The following CCDC82 variants were observed in gnomAD, a reference collection of about 807,000 sequenced individuals.
CCDC82 encodes coiled-coil domain containing 82.
CCDC82 carries 47 observed loss-of-function variants against 60.6 expected under a neutral mutation model. The ratio of observed to expected loss-of-function variants is 0.77; its 90% CI spans 0.61 to 0.99. The LOEUF (loss-of-function observed/expected upper bound fraction) is 0.99. CCDC82 is among the 50% of genes least tolerant of loss of function. The probability of loss-of-function intolerance (pLI) is 0.00; values close to 1 mark genes in which losing one functional copy is unlikely to be tolerated. For missense variants in CCDC82, 588 were observed against 633.0 expected (o/e 0.93, Z 0.76); for synonymous variants, 212 against 207.4 (o/e 1.02, Z -0.19).
At chr11:96,370,968 G>T in intron 7 of CCDC82, 45 bp downstream of exon 7, 1 of 1,449,474 alleles carries the variant, frequency 6.9e-7, no homozygotes, top group Non-Finnish European at 9.1e-7. Flanking sequence ...TGAGAGGTTT[G>T]CTGCCCCCAA....
chr11:96,382,999 T>C (rs1469026196), intron 5 of CCDC82: 1 of 302,480 alleles, frequency 3.3e-6, no homozygotes, highest in Non-Finnish European at 6.0e-6. Flanking sequence ...TTAATAAATA[T>C]ATTTTAAATT....
chr11:96,368,308 G>C (rs1181992527), intron 7 of CCDC82, among the ~76,000 whole-genome samples: 2 of 151,810 alleles, frequency 1.3e-5, no homozygotes, highest in East Asian at 3.9e-4. Flanking sequence ...TTTTTTTTCT[G>C]AGTAGTAGGT....
intron 7 of CCDC82, among the ~76,000 whole-genome samples, chr11:96,369,888 A>G (rs1865168224): frequency 6.6e-6 from 1 of 152,240 alleles, no homozygotes; most frequent in Non-Finnish European, 1.5e-5. Context: ...ATTAAACAGT[A>G]TTTATGCCAT....
intron 6 of CCDC82, among the ~76,000 whole-genome samples, chr11:96,372,918 A>G (rs1411410686): frequency 6.6e-6 from 1 of 151,992 alleles, no homozygotes; most frequent in African/African-American, 2.4e-5. Flanking sequence ...TGAATGGGTC[A>G]TAGATAGATT....
intron 5 of CCDC82, 55 bp from the exon 6 acceptor site, chr11:96,373,522 A>G: frequency 9.6e-7 from 1 of 1,043,222 alleles, no homozygotes; most frequent in Non-Finnish European, 1.5e-6. Flanking sequence ...AATTTCTTGA[A>G]TACAATAGGT....
intron 8 of CCDC82, chr11:96,363,229 C>CA (rs1864764494): frequency 6.6e-6 from 1 of 152,218 alleles, no homozygotes; most frequent in Non-Finnish European, 1.5e-5. Context: ...GCTGGGATTA[C>CA]AGGCGTGAGC....
chr11:96,382,790 A>G (rs1003126733), intron 5 of CCDC82: 1 of 152,060 alleles, frequency 6.6e-6, no homozygotes, highest in Non-Finnish European at 1.5e-5. Flanking sequence ...ATACACTTCA[A>G]CCAAAACAAC....
rs181832530 is a variant in CCDC82 at position 96,357,940 on chromosome 11, G to A, written c.1566+1053C>T. 5.1e-6 allele frequency: 5 copies of A among 985,410 alleles called. No individual in the cohort carries two copies. The African/African-American group carries it at 5.2e-5, about 10-fold the overall frequency. 61.0% of individuals were successfully genotyped at this position (985,410 alleles called of 1,614,324 possible). A position where few individuals can be genotyped will look rare whatever the true frequency, so the allele number is the denominator to read the frequency against. ...GAAAGACTTAAGGATCAAGATGTGGGGGGCAGGCAAGATCACTGGGTGGTG... is the reference window on the plus strand; with the variant it reads ...GAAAGACTTAAGGATCAAGATGTGGAGGGCAGGCAAGATCACTGGGTGGTG... On this transcript the variant is annotated intron_variant, in intron 9 of 9. Coordinates refer to ENST00000646818, the MANE Select transcript of CCDC82 (RefSeq NM_024725.4).
At chr11:96,381,995 T>C (rs930914423) in intron 5 of CCDC82, 1 of 151,872 alleles carries the variant, frequency 6.6e-6, no homozygotes, top group African/African-American at 2.4e-5. Flanking sequence ...CACTTAAGAA[T>C]GTCCTCGTTG....
chr11:96,352,912 T>C lies in CCDC82; in HGVS notation c.*734A>G, dbSNP rs1864156128. On this transcript the variant is annotated 3_prime_UTR_variant, in exon 10 of 10. Transcript: ENST00000646818. ...CAGTTCTGACCCTAAGATACATACTTATATGGAAAAAGCTATGGATAAAAA... is the reference window on the plus strand; with the variant it reads ...CAGTTCTGACCCTAAGATACATACTCATATGGAAAAAGCTATGGATAAAAA... The C allele has an allele frequency of 6.6e-6, 1 of 152,202 alleles. No homozygotes were observed. The highest frequency in any genetic ancestry group is 6.5e-5 in the Admixed American group (1 of 15,282). The allele number at this position is 152,202 out of a possible 1,614,324, so 9.4% of individuals were successfully genotyped here. A position where few individuals can be genotyped will look rare whatever the true frequency, so the allele number is the denominator to read the frequency against.
In CCDC82 at chr11:96,389,878, GC is replaced by G; in HGVS notation, c.-174del. 1 of 153,364 alleles carries G rather than the reference GC, an allele frequency of 6.5e-6. No individual in the cohort carries two copies. The highest frequency in any genetic ancestry group is 1.5e-5 in the Non-Finnish European group (1 of 68,858). The allele number at this position is 153,364 out of a possible 1,614,324, so 9.5% of individuals were successfully genotyped here. ...CGCCTCCACCTCTGCCTCCGCCTCC[GC>G]CCCTGCCCCGGCAACCAGCTCAGGA... On this transcript the variant is annotated 5_prime_UTR_variant, in exon 1 of 10. Transcript: ENST00000646818.
chr11:96,371,530 T>G (rs559343434), intron 6 of CCDC82, among the ~76,000 whole-genome samples: 1 of 152,290 alleles, frequency 6.6e-6, no homozygotes, highest in South Asian at 2.1e-4. Context: ...TATAGTGAGC[T>G]GAGATCGCAC....
chr11:96,370,485 T>A (rs1865202023), intron 7 of CCDC82, among the ~76,000 whole-genome samples: 2 of 152,130 alleles, frequency 1.3e-5, no homozygotes, highest in African/African-American at 2.4e-5. Flanking sequence ...CCAAACACTA[T>A]CTAGACCAGT....
intron 6 of CCDC82, 105 bp from the exon 7 acceptor site, chr11:96,371,242 AT>A: frequency 1.4e-6 from 1 of 714,836 alleles, no homozygotes; most frequent in Non-Finnish European, 2.0e-6. Context: ...AGCATTTTAA[AT>A]TAGGAAAAAA....
At chr11:96,354,111 G>A (rs534092594) in intron 9 of CCDC82, 2 of 163,226 alleles carry the variant, frequency 1.2e-5, no homozygotes, top group South Asian at 1.7e-4. Flanking sequence ...TGCCCCTAAG[G>A]AGAATACAGT....
intron 7 of CCDC82, among the ~76,000 whole-genome samples, chr11:96,368,897 A>G (rs1865101920): frequency 6.6e-6 from 1 of 152,148 alleles, no homozygotes; most frequent in Non-Finnish European, 1.5e-5. Flanking sequence ...CTTCTAACAA[A>G]AGACCATTTT....
chr11:96,384,577 A>G lies in CCDC82; in HGVS notation c.171T>C (p.Ser57=), dbSNP rs1866079998. 1 of 1,613,482 alleles carries G rather than the reference A, an allele frequency of 6.2e-7. No individual in the cohort carries two copies. The highest frequency in any genetic ancestry group is 1.7e-5 in the Admixed American group (1 of 59,960). ...CTTCATCATTTTCAAAACTTTCATC[A>G]CTATCAAGCTCTTCATCACTATCAA... The part of the protein sequence containing the change: ...EEFDSDEELD[S]DESFENDEEL... The change falls in exon 4 of 10, where the codon AGT becomes AGC. Residue 57 remains serine, a synonymous_variant. Coordinates refer to ENST00000646818, the MANE Select transcript of CCDC82 (RefSeq NM_024725.4).
At chr11:96,381,192 G>A (rs1342290347) in intron 5 of CCDC82, 1 of 151,524 alleles carries the variant, frequency 6.6e-6, no homozygotes. Context: ...GTTGATATGA[G>A]TTGGCATCTC....
chr11:96,378,996 G>A (rs913026209), intron 5 of CCDC82, among the ~76,000 whole-genome samples: 5 of 152,098 alleles, frequency 3.3e-5, no homozygotes, highest in African/African-American at 1.2e-4. Context: ...AAAAAGGCAA[G>A]TACATGGACT....
Sources: allele counts gnomAD v4.1 joint callset (sites outside exome capture counted in the v4.1 genomes callset), GRCh38; gene constraint gnomAD v4.1.1; transcripts MANE v1.5; gene names NCBI Gene and HGNC (gene_info 2026-07-23, HGNC 2026-07-21).